The following DOCK1 variants were observed in gnomAD, a reference collection of about 807,000 sequenced individuals.
DOCK1 encodes dedicator of cytokinesis protein 1.
A neutral mutation model predicts 262.7 loss-of-function variants in DOCK1; 138 were observed. That is an observed-to-expected ratio of 0.53 (90% confidence interval 0.46 to 0.61). The LOEUF is 0.61. Among genes scored for constraint, DOCK1 ranks in the 20% least tolerant of loss-of-function variants. DOCK1 has a pLI of 0.00. For synonymous variants in DOCK1, 866 were observed against 867.4 expected (o/e 1.00, Z 0.03); for missense variants, 1,908 against 2,370.7 (o/e 0.80, Z 4.05).
At chr10:127,155,878 G>A (rs1226208052) in intron 27 of DOCK1, among the ~76,000 whole-genome samples, 2 of 152,140 alleles carry the variant, frequency 1.3e-5, no homozygotes, top group East Asian at 1.9e-4. Flanking sequence ...GCAATGGCAC[G>A]GTCCACGCTG....
intron 1 of DOCK1, among the ~76,000 whole-genome samples, chr10:126,959,791 A>G (rs1334360784): frequency 6.6e-6 from 1 of 152,008 alleles, no homozygotes; most frequent in Admixed American, 6.6e-5. Context: ...TGTCTTTGCT[A>G]GTCAAGATCC....
chr10:126,952,758 ATTG>A (rs1405203484), intron 1 of DOCK1, among the ~76,000 whole-genome samples: 2 of 150,270 alleles, frequency 1.3e-5, no homozygotes, highest in Non-Finnish European at 1.5e-5. Context: ...TGGTGGTAGT[ATTG>A]TTGGTGATGT....
chr10:127,294,132 C>T (rs1387264960), intron 29 of DOCK1, among the ~76,000 whole-genome samples: 1 of 152,210 alleles, frequency 6.6e-6, no homozygotes, highest in East Asian at 1.9e-4. Flanking sequence ...TTTTGTGTTA[C>T]TGACCCTCTC....
chr10:127,426,131 G>A (rs2068799662), intron 47 of DOCK1, 120 bp downstream of exon 47: 2 of 1,517,724 alleles, frequency 1.3e-6, no homozygotes. Flanking sequence ...CGCTTAGGAA[G>A]TGGGATGTGA....
chr10:126,919,958 C>G (rs1039205269), intron 1 of DOCK1, among the ~76,000 whole-genome samples: 1 of 152,112 alleles, frequency 6.6e-6, no homozygotes. Context: ...TGGGGAGTTA[C>G]GTCTTGGAGG....
At chr10:127,070,417 C>G (rs756059184) in intron 23 of DOCK1, among the ~76,000 whole-genome samples, 2 of 151,764 alleles carry the variant, frequency 1.3e-5, no homozygotes, top group Admixed American at 1.3e-4. Flanking sequence ...CCACGCCAAG[C>G]TAATTTTTGT....
intron 23 of DOCK1, among the ~76,000 whole-genome samples, chr10:127,091,725 C>T (rs768603946): frequency 6.6e-6 from 1 of 152,128 alleles, no homozygotes; most frequent in East Asian, 1.9e-4. Flanking sequence ...ATGCAGCATT[C>T]GTAATTGAAG....
intron 31 of DOCK1, among the ~76,000 whole-genome samples, chr10:127,349,792 T>C (rs915987195): frequency 6.6e-6 from 1 of 152,146 alleles, no homozygotes; most frequent in Non-Finnish European, 1.5e-5. Flanking sequence ...ATTCCGTGGC[T>C]TGTGGCTGTT....
At chr10:127,071,404 G>T (rs1591900264) in intron 23 of DOCK1, among the ~76,000 whole-genome samples, 1 of 152,322 alleles carries the variant, frequency 6.6e-6, no homozygotes, top group East Asian at 1.9e-4. Context: ...ACAGTACTTT[G>T]CAACAGTAGC....
chr10:126,917,573 C>G (rs11245232), intron 1 of DOCK1, among the ~76,000 whole-genome samples: 13,562 of 152,210 alleles, frequency 0.089, 827 homozygotes, highest in African/African-American at 0.15. Flanking sequence ...GCCTCAGCTT[C>G]ACAGGGTCTG....
chr10:127,046,257 GCAGTGAGCAC>G (rs947922614), intron 21 of DOCK1, among the ~76,000 whole-genome samples: 1 of 152,160 alleles, frequency 6.6e-6, no homozygotes, highest in Non-Finnish European at 1.5e-5. Context: ...GCTCTCTTGT[GCAGTGAGCAC>G]CACCCGCAGA....
chr10:126,998,330 T>C (rs1264044895), intron 8 of DOCK1, 81 bp downstream of exon 8: 1 of 1,573,472 alleles, frequency 6.4e-7, no homozygotes, highest in Non-Finnish European at 8.7e-7. Flanking sequence ...AAGCGTCCCA[T>C]TCATGCTGAG....
chr10:127,189,738 C>T (rs1384268143), intron 27 of DOCK1, among the ~76,000 whole-genome samples: 1 of 152,146 alleles, frequency 6.6e-6, no homozygotes, highest in Non-Finnish European at 1.5e-5. Context: ...TCACACAGTA[C>T]GTTTGCACAT....
intron 27 of DOCK1, among the ~76,000 whole-genome samples, chr10:127,180,377 G>A (rs1375353224): frequency 2.6e-5 from 4 of 152,274 alleles, no homozygotes; most frequent in South Asian, 4.1e-4. Context: ...CTGATCTCTT[G>A]GCTCTAAAGC....
At chr10:126,949,088 C>T (rs2035927647) in intron 1 of DOCK1, among the ~76,000 whole-genome samples, 14 of 152,154 alleles carry the variant, frequency 9.2e-5, no homozygotes, top group Non-Finnish European at 1.5e-5. Flanking sequence ...GGTGCACGTT[C>T]TGCTGGGGGG....
chr10:127,011,796 T>G (rs757296708), intron 11 of DOCK1, among the ~76,000 whole-genome samples: 50 of 152,290 alleles, frequency 3.3e-4, no homozygotes, highest in Non-Finnish European at 6.6e-4. Context: ...TTTTTTTTTT[T>G]TAAATCTTGA....
At chr10:127,407,408 T>C (rs1019735999) in intron 40 of DOCK1, among the ~76,000 whole-genome samples, 2 of 152,136 alleles carry the variant, frequency 1.3e-5, no homozygotes, top group African/African-American at 4.8e-5. Flanking sequence ...TCTGAGGCAC[T>C]GATGACTTTC....
At chr10:127,116,302 A>C (rs2049175959) in intron 25 of DOCK1, among the ~76,000 whole-genome samples, 1 of 152,172 alleles carries the variant, frequency 6.6e-6, no homozygotes. Context: ...TGAAAGTGTA[A>C]GCCTGGTAAG....
intron 29 of DOCK1, among the ~76,000 whole-genome samples, chr10:127,262,209 TGTGC>T (rs1409124974): frequency 1.1e-5 from 1 of 89,962 alleles, no homozygotes; most frequent in African/African-American, 4.1e-5. Context: ...CATCTGTGTG[TGTGC>T]GTGTGTGTGT....
Sources: gnomAD v4.1 joint callset for allele counts (sites outside exome capture counted in the v4.1 genomes callset) on GRCh38, gnomAD v4.1.1 for gene constraint, MANE v1.5 for transcripts, NCBI Gene and HGNC (gene_info 2026-07-23, HGNC 2026-07-21) for gene names.